Variants in PIGL observed in about 807,000 individuals in gnomAD.
The protein encoded by PIGL is phosphatidylinositol glycan anchor biosynthesis class L.
A neutral mutation model predicts 31.1 loss-of-function variants in PIGL; 22 were observed. The observed-to-expected ratio is 0.71, with a 90% confidence interval of 0.51 to 1.01. PIGL has a LOEUF of 1.01. Among genes scored for constraint, PIGL ranks in the 50% least tolerant of loss-of-function variants. PIGL has a pLI of 0.00. For synonymous variants in PIGL, 131 were observed against 117.4 expected (o/e 1.12, Z -0.75); for missense variants, 302 against 315.9 (o/e 0.96, Z 0.33).
chr17:16,285,334 C>A (rs897653379), intron 2 of PIGL, among the ~76,000 whole-genome samples: 4 of 152,298 alleles, frequency 2.6e-5, no homozygotes, highest in African/African-American at 9.6e-5. Flanking sequence ...AGCCTGTAAT[C>A]CCAGCACTTT....
intron 6 of PIGL, among the ~76,000 whole-genome samples, chr17:16,323,880 G>T (rs1263740502): frequency 6.6e-6 from 1 of 151,980 alleles, no homozygotes; most frequent in Non-Finnish European, 1.5e-5. Context: ...GCCTCCCAAA[G>T]TGATAGGATT....
At chr17:16,284,668 C>T (rs1455983691) in intron 2 of PIGL, among the ~76,000 whole-genome samples, 2 of 152,262 alleles carry the variant, frequency 1.3e-5, no homozygotes, top group Admixed American at 1.3e-4. Flanking sequence ...ACTTAGCACA[C>T]GAGGACAGCT....
chr17:16,249,244 C>T (rs1356462977), intron 2 of PIGL, among the ~76,000 whole-genome samples: 4 of 152,052 alleles, frequency 2.6e-5, no homozygotes, highest in East Asian at 3.9e-4. Flanking sequence ...TTTGGGAGGC[C>T]GAGGCAGGTG....
intron 1 of PIGL, among the ~76,000 whole-genome samples, chr17:16,228,131 A>C (rs538006592): frequency 1.2e-4 from 18 of 147,898 alleles, no homozygotes; most frequent in African/African-American, 4.5e-4. Flanking sequence ...GGCTCACTGC[A>C]ACCTCCGCCT....
At chr17:16,240,234 G>A (rs912555626) in intron 2 of PIGL, among the ~76,000 whole-genome samples, 2 of 152,058 alleles carry the variant, frequency 1.3e-5, no homozygotes, top group Non-Finnish European at 2.9e-5. Flanking sequence ...CTTCTGCCAT[G>A]ATTGGAAGCT....
At chr17:16,286,311 C>T (rs903514995) in intron 2 of PIGL, among the ~76,000 whole-genome samples, 1 of 152,254 alleles carries the variant, frequency 6.6e-6, no homozygotes, top group African/African-American at 2.4e-5. Context: ...GTCTCCTGCT[C>T]TGAGCAGGGC....
rs71150280 is a variant in PIGL, at chr17:16,229,858, AT to A, written c.236-4091del. Among the ~76,000 whole-genome samples the A allele has an allele frequency of 4.1e-5, 4 of 97,694 alleles. No individual in the cohort carries two copies. In the South Asian group the frequency reaches 1.3e-3, roughly 33 times the overall value. 64.1% of individuals were successfully genotyped at this position (97,694 alleles called of 152,430 possible). The stretch of plus-strand genomic sequence containing the variant: ...ATTCTAGTTTCATTTTAAAGTCATG[AT>A]TTTTTTTTTTTTTTTTTTTTTGAGA... On this transcript the variant is annotated intron_variant, in intron 1 of 6. Coordinates refer to ENST00000225609, the MANE Select transcript of PIGL (RefSeq NM_004278.4).
chr17:16,245,702 CTA>C (rs538464194), intron 2 of PIGL, among the ~76,000 whole-genome samples: 1 of 147,822 alleles, frequency 6.8e-6, no homozygotes, highest in African/African-American at 2.5e-5. Flanking sequence ...TATGCCTGGC[CTA>C]TATATATATA....
intron 2 of PIGL, among the ~76,000 whole-genome samples, chr17:16,281,093 A>G (rs1568819584): frequency 6.6e-6 from 1 of 152,172 alleles, no homozygotes; most frequent in Non-Finnish European, 1.5e-5. Context: ...CTAAAATCAC[A>G]TGAACATACA....
At chr17:16,278,458 G>T (rs557284473) in intron 2 of PIGL, among the ~76,000 whole-genome samples, 21 of 152,190 alleles carry the variant, frequency 1.4e-4, no homozygotes, top group Non-Finnish European at 2.9e-4. Context: ...ATAAGGTAAG[G>T]TTCTTATAAA....
At chr17:16,304,369 A>G (rs942544126) in intron 3 of PIGL, among the ~76,000 whole-genome samples, 4 of 152,216 alleles carry the variant, frequency 2.6e-5, no homozygotes, top group African/African-American at 9.6e-5. Context: ...GCAGCCATCA[A>G]TGCAGGAAAC....
At chr17:16,251,067 A>G (rs1377791006) in intron 2 of PIGL, among the ~76,000 whole-genome samples, 1 of 152,240 alleles carries the variant, frequency 6.6e-6, no homozygotes, top group African/African-American at 2.4e-5. Context: ...GGATTCAAAA[A>G]CAGAAAGGGA....
intron 2 of PIGL, among the ~76,000 whole-genome samples, chr17:16,287,552 T>C (rs914911968): frequency 2.6e-5 from 4 of 152,228 alleles, no homozygotes; most frequent in Admixed American, 2.6e-4. Context: ...CTTTAAGAAG[T>C]TCTCTCACAG....
At chr17:16,258,103 A>AAG (rs1229169258) in intron 2 of PIGL, among the ~76,000 whole-genome samples, 141 of 65,712 alleles carry the variant, frequency 2.1e-3, no homozygotes, top group Non-Finnish European at 3.1e-3. Context: ...GAGAGAGAGA[A>AAG]AGAGAGAGAG....
chr17:16,291,390 C>T (rs2092959626), intron 2 of PIGL, among the ~76,000 whole-genome samples: 1 of 150,752 alleles, frequency 6.6e-6, no homozygotes, highest in Admixed American at 6.6e-5. Context: ...ACCTGTAGTC[C>T]CAGCTACTCA....
At chr17:16,316,839 C>CA in intron 5 of PIGL, 127 bp downstream of exon 5, 2 of 1,507,564 alleles carry the variant, frequency 1.3e-6, no homozygotes, top group Non-Finnish European at 1.8e-6. Context: ...GGGAGGCCGC[C>CA]ACACTCTTCC....
At chr17:16,296,302 C>T (rs996817495) in intron 2 of PIGL, among the ~76,000 whole-genome samples, 6 of 152,024 alleles carry the variant, frequency 3.9e-5, no homozygotes. Context: ...AAGAGCTCTG[C>T]AAGGGACTGC....
At chr17:16,252,935 AG>A (rs2092778850) in intron 2 of PIGL, among the ~76,000 whole-genome samples, 2 of 152,180 alleles carry the variant, frequency 1.3e-5, no homozygotes, top group South Asian at 4.1e-4. Context: ...AAAACAAAGA[AG>A]GCTGGGCGTG....
intron 3 of PIGL, among the ~76,000 whole-genome samples, chr17:16,301,334 G>A (rs1306526450): frequency 6.7e-6 from 1 of 149,080 alleles, no homozygotes; most frequent in Non-Finnish European, 1.5e-5. Context: ...GCGGGATCTC[G>A]GCTCACTGCA....
Sources: gnomAD v4.1 joint callset for allele counts (sites outside exome capture counted in the v4.1 genomes callset) on GRCh38, gnomAD v4.1.1 for gene constraint, MANE v1.5 for transcripts, NCBI Gene and HGNC (gene_info 2026-07-23, HGNC 2026-07-21) for gene names.